Variants in TSPAN5 observed in about 807,000 individuals in gnomAD.
TSPAN5 encodes tetraspanin 5.
TSPAN5 carries 10 observed loss-of-function variants against 37.1 expected under a neutral mutation model. The ratio of observed to expected loss-of-function variants is 0.27; its 90% CI spans 0.17 to 0.46. The LOEUF is 0.46. Ranked by LOEUF, TSPAN5 falls within the 20% of genes least tolerant of loss-of-function variation. The pLI, the probability that TSPAN5 is intolerant of heterozygous loss-of-function variation, is 1.00. For missense variants in TSPAN5, 195 were observed against 326.6 expected (o/e 0.60, Z 3.11); for synonymous variants, 110 against 118.9 (o/e 0.93, Z 0.48).
intron 1 of TSPAN5, among the ~76,000 whole-genome samples, chr4:98,528,291 T>C (rs988381277): frequency 7.2e-5 from 11 of 152,186 alleles, no homozygotes; most frequent in Admixed American, 6.5e-4. Flanking sequence ...ATTAAAATAT[T>C]CCTTAAATAT....
At chr4:98,624,233 T>C (rs1756541508) in intron 1 of TSPAN5, among the ~76,000 whole-genome samples, 1 of 151,886 alleles carries the variant, frequency 6.6e-6, no homozygotes, top group Non-Finnish European at 1.5e-5. Flanking sequence ...ATCCAAATCT[T>C]ACCTTTAGAA....
At chr4:98,529,553 T>C (rs894461941) in intron 1 of TSPAN5, among the ~76,000 whole-genome samples, 1 of 152,214 alleles carries the variant, frequency 6.6e-6, no homozygotes, top group African/African-American at 2.4e-5. Context: ...TATCGTCACT[T>C]TCCAACTGTG....
intron 1 of TSPAN5, among the ~76,000 whole-genome samples, chr4:98,519,783 G>A (rs1753813232): frequency 6.6e-6 from 1 of 152,162 alleles, no homozygotes; most frequent in Non-Finnish European, 1.5e-5. Flanking sequence ...GAAATCTGGG[G>A]GCTGGACAGC....
At chr4:98,592,861 A>G (rs1560551195) in intron 1 of TSPAN5, among the ~76,000 whole-genome samples, 1 of 149,528 alleles carries the variant, frequency 6.7e-6, no homozygotes, top group Non-Finnish European at 1.5e-5. Context: ...GGTTGGTTCC[A>G]AGACTTTGCT....
intron 1 of TSPAN5, among the ~76,000 whole-genome samples, chr4:98,548,121 G>T (rs1239484573): frequency 1.3e-5 from 2 of 151,952 alleles, no homozygotes; most frequent in Admixed American, 6.6e-5. Flanking sequence ...CTCTCCCACG[G>T]TCTCTTAGAA....
chr4:98,656,369 A>G (rs1757294346), intron 1 of TSPAN5, among the ~76,000 whole-genome samples: 1 of 152,178 alleles, frequency 6.6e-6, no homozygotes, highest in Admixed American at 6.5e-5. Flanking sequence ...ACTTTTAGAA[A>G]TGTTCAAGTA....
intron 1 of TSPAN5, among the ~76,000 whole-genome samples, chr4:98,635,651 A>G (rs572923728): frequency 1.3e-5 from 2 of 152,130 alleles, no homozygotes; most frequent in East Asian, 3.8e-4. Flanking sequence ...TGAACGGGGG[A>G]AAAAAAGAGA....
intron 1 of TSPAN5, among the ~76,000 whole-genome samples, chr4:98,617,147 G>A (rs1756360952): frequency 6.6e-6 from 1 of 152,176 alleles, no homozygotes; most frequent in South Asian, 2.1e-4. Flanking sequence ...AAGAAAGGGT[G>A]TAGGTGTCAC....
chr4:98,487,234 T>A (rs1326890860), intron 2 of TSPAN5, among the ~76,000 whole-genome samples: 2 of 83,904 alleles, frequency 2.4e-5, no homozygotes, highest in African/African-American at 4.5e-5. Flanking sequence ...AAACTATATG[T>A]AGAGAAAAAA....
intron 1 of TSPAN5, among the ~76,000 whole-genome samples, chr4:98,555,986 C>A (rs1289386230): frequency 8.1e-6 from 1 of 123,380 alleles, no homozygotes; most frequent in African/African-American, 4.2e-5. Context: ...CGCACACACA[C>A]GTGCGTGCGC....
At chr4:98,482,356 T>C (rs1365626371) in intron 3 of TSPAN5, 181 bp from the exon 4 acceptor site, 1 of 526,008 alleles carries the variant, frequency 1.9e-6, no homozygotes, top group Non-Finnish European at 3.2e-6. Context: ...AAAGGACTTT[T>C]AAAAATCATT....
At position 98,472,184 on chromosome 4, in the gene TSPAN5, G is replaced by A. The variant is rs539196812; in HGVS notation, c.*338C>T. The A allele has an allele frequency of 1.9e-4, 36 of 190,466 alleles. No homozygotes were observed. Among genetic ancestry groups the A allele is most frequent in the Admixed American group, 9.1e-4 (15 of 16,544 alleles). The allele number at this position is 190,466 out of a possible 1,614,324, so 11.8% of individuals were successfully genotyped here. On this transcript the variant is annotated 3_prime_UTR_variant, in exon 8 of 8. Coordinates refer to ENST00000305798, the MANE Select transcript of TSPAN5 (RefSeq NM_005723.4). The stretch of plus-strand genomic sequence containing the variant: ...CTGCCTCTCCCAGCCCTCCAATTAC[G>A]GAAGATGAGGACAAGAATGTATTTT...
intron 1 of TSPAN5, among the ~76,000 whole-genome samples, chr4:98,542,906 G>A (rs1754391970): frequency 6.6e-6 from 1 of 152,042 alleles, no homozygotes; most frequent in Non-Finnish European, 1.5e-5. Context: ...TGGAAGTTGT[G>A]GCTGACAAAT....
chr4:98,509,232 G>C (rs1753550207), intron 1 of TSPAN5, among the ~76,000 whole-genome samples: 1 of 152,114 alleles, frequency 6.6e-6, no homozygotes, highest in South Asian at 2.1e-4. Flanking sequence ...CACTGAGAGG[G>C]GTATGCAGAG....
chr4:98,506,697 C>T lies in TSPAN5; in HGVS notation c.132+981G>A, dbSNP rs947602950. 4.6e-5 allele frequency among the ~76,000 whole-genome samples: 7 copies of T among 152,272 alleles called. No homozygotes were observed. The South Asian group carries it at 8.3e-4, about 18-fold the overall frequency. On this transcript the variant is annotated intron_variant, in intron 2 of 7. Transcript: ENST00000305798. ...GTCAGGCTAGAGGGTGAAACACCTACGGGATCAAAGAATGGTCTTCTGGGA... is the reference window on the plus strand; with the variant it reads ...GTCAGGCTAGAGGGTGAAACACCTATGGGATCAAAGAATGGTCTTCTGGGA...
intron 1 of TSPAN5, among the ~76,000 whole-genome samples, chr4:98,576,337 T>C (rs1755235593): frequency 6.6e-6 from 1 of 152,178 alleles, no homozygotes; most frequent in Non-Finnish European, 1.5e-5. Context: ...TCACCACAAA[T>C]ATTGCCTTTT....
intron 1 of TSPAN5, among the ~76,000 whole-genome samples, chr4:98,515,702 T>G (rs1158522957): frequency 6.6e-6 from 1 of 152,148 alleles, no homozygotes; most frequent in Non-Finnish European, 1.5e-5. Flanking sequence ...TCACAGGAAG[T>G]GGCAGCATCC....
At chr4:98,593,155 TA>T (rs1755693408) in intron 1 of TSPAN5, among the ~76,000 whole-genome samples, 1 of 29,534 alleles carries the variant, frequency 3.4e-5, no homozygotes, top group Non-Finnish European at 6.9e-5. Flanking sequence ...TGATATCTCA[TA>T]GTGGTTTTGA....
At chr4:98,585,660 G>T (rs1191893445) in intron 1 of TSPAN5, among the ~76,000 whole-genome samples, 1 of 152,190 alleles carries the variant, frequency 6.6e-6, no homozygotes, top group African/African-American at 2.4e-5. Flanking sequence ...GCTTCCACTT[G>T]TAAGTGGGAA....
Sources: allele counts gnomAD v4.1 joint callset (sites outside exome capture counted in the v4.1 genomes callset), GRCh38; gene constraint gnomAD v4.1.1; transcripts MANE v1.5; gene names NCBI Gene and HGNC (gene_info 2026-07-23, HGNC 2026-07-21).